The following EFCAB3 variants were observed in gnomAD, a reference collection of about 807,000 sequenced individuals.
EFCAB3 encodes EF-hand calcium binding domain 3, also known as EF-hand calcium-binding domain-containing protein 3.
Under a neutral mutation model 42.2 loss-of-function variants are expected in EFCAB3, and 36 were observed. The ratio of observed to expected loss-of-function variants is 0.85; its 90% CI spans 0.65 to 1.13. The LOEUF is 1.13. Ranked by LOEUF, EFCAB3 falls within the 50% of genes most tolerant of loss-of-function variation. The pLI, the probability that EFCAB3 is intolerant of heterozygous loss-of-function variation, is 0.00. For missense variants in EFCAB3, 418 were observed against 505.1 expected, an observed-to-expected ratio of 0.83 and a Z score of 1.65; for synonymous variants, 170 against 172.8, an observed-to-expected ratio of 0.98 and a Z score of 0.13.
chr17:62,390,252 A>G (rs2070292030), intron 3 of EFCAB3, among the ~76,000 whole-genome samples: 1 of 152,188 alleles, frequency 6.6e-6, no homozygotes, highest in Non-Finnish European at 1.5e-5. Context: ...TCCCTTACCT[A>G]AGAGGAGACC....
At chr17:62,370,380 C>T in intron 1 of EFCAB3, 1 of 1,515,156 alleles carries the variant, frequency 6.6e-7, no homozygotes, top group South Asian at 1.2e-5. Context: ...TTGGGCTGGG[C>T]ATGGTGATTC....
chr17:62,383,104 T>C, intron 2 of EFCAB3, 51 bp downstream of exon 2: 1 of 1,500,614 alleles, frequency 6.7e-7, no homozygotes, highest in Non-Finnish European at 9.1e-7. Flanking sequence ...AAAGAATTAT[T>C]AGTGTTACAG....
intron 3 of EFCAB3, among the ~76,000 whole-genome samples, chr17:62,389,644 C>T (rs1008885228): frequency 2.0e-5 from 3 of 152,140 alleles, no homozygotes; most frequent in African/African-American, 4.8e-5. Context: ...TAGACCCTCA[C>T]CTCCATGTCT....
At chr17:62,415,746 C>A (rs1353879836) in intron 9 of EFCAB3, among the ~76,000 whole-genome samples, 1 of 152,172 alleles carries the variant, frequency 6.6e-6, no homozygotes, top group African/African-American at 2.4e-5. Context: ...ATCTCCATAC[C>A]ATACTTCAGT....
rs11333238 is a variant in EFCAB3, at chr17:62,398,498, CAAAAAA to C, written c.488+3320_488+3325del. 6.6e-3 allele frequency among the ~76,000 whole-genome samples: 837 copies of C among 126,280 alleles called. 6 individuals carry two copies. The highest frequency in any genetic ancestry group is 8.9e-3 in the Non-Finnish European group (530 of 59,742). 82.8% of individuals were successfully genotyped at this position (126,280 alleles called of 152,430 possible). A position where few individuals can be genotyped will look rare whatever the true frequency, so the allele number is the denominator to read the frequency against. On this transcript the variant is annotated intron_variant, in intron 6 of 9. Transcript: ENST00000305286. The stretch of plus-strand genomic sequence containing the variant: ...AACTGTAGTGATAAATTTTTATATG[CAAAAAA>C]AAAAAAAAACAAAAAATTAGCCACC...
At chr17:62,409,955 T>A (rs953578529) in intron 8 of EFCAB3, among the ~76,000 whole-genome samples, 2 of 152,202 alleles carry the variant, frequency 1.3e-5, no homozygotes, top group African/African-American at 4.8e-5. Context: ...ATCCCAGCAC[T>A]TTGGGAGGCC....
intron 9 of EFCAB3, among the ~76,000 whole-genome samples, chr17:62,414,461 T>C (rs1258917121): frequency 6.6e-6 from 1 of 152,184 alleles, no homozygotes; most frequent in Non-Finnish European, 1.5e-5. Flanking sequence ...TGACTATTTC[T>C]ACCTCTACGC....
At chr17:62,394,913 A>G (rs1340520816) in intron 5 of EFCAB3, among the ~76,000 whole-genome samples, 155 bp from the exon 6 acceptor site, 1 of 152,300 alleles carries the variant, frequency 6.6e-6, no homozygotes, top group Middle Eastern at 3.4e-3. Flanking sequence ...TCAGTACCCA[A>G]AATGGCCTTT....
At chr17:62,381,985 C>A in intron 1 of EFCAB3, 1 of 271,356 alleles carries the variant, frequency 3.7e-6, no homozygotes, top group South Asian at 4.3e-5. Flanking sequence ...AAGAGTCAGA[C>A]GATGACATGG....
chr17:62,392,828 A>C (rs930104862), intron 4 of EFCAB3, among the ~76,000 whole-genome samples: 3 of 151,914 alleles, frequency 2.0e-5, no homozygotes, highest in African/African-American at 7.3e-5. Context: ...TAGTAGATAC[A>C]GGGTTTCACC....
rs191611398 is a variant in EFCAB3, at chr17:62,399,026, C to T, written c.488+3838C>T. On this transcript the variant is annotated intron_variant, in intron 6 of 9. Transcript: ENST00000305286. ...GCTTGCACCTTTGACTGCTGCTCCC[C>T]TGCTCTGCCTGCTGAACAGCCTACT... 7.6e-4 allele frequency among the ~76,000 whole-genome samples: 115 copies of T among 152,208 alleles called. 1 individual carries two copies. The highest frequency in any genetic ancestry group is 2.7e-3 in the African/African-American group (112 of 41,514).
At chr17:62,379,899 C>G (rs2070181836), upstream of EFCAB3, among the ~76,000 whole-genome samples, 1 of 152,190 alleles carries the variant, frequency 6.6e-6, no homozygotes, top group Non-Finnish European at 1.5e-5. Context: ...TTTTGCCTCT[C>G]TTTCTAGGCT....
chr17:62,395,543 A>G (rs1396503567), intron 6 of EFCAB3, among the ~76,000 whole-genome samples: 5 of 152,158 alleles, frequency 3.3e-5, no homozygotes, highest in Non-Finnish European at 7.4e-5. Flanking sequence ...TTTGGAATAT[A>G]AGACACTCTT....
At chr17:62,393,459 T>A (rs1248056069) in intron 4 of EFCAB3, 114 bp from the exon 5 acceptor site, 1 of 816,312 alleles carries the variant, frequency 1.2e-6, no homozygotes, top group Non-Finnish European at 1.9e-6. Flanking sequence ...AGCCCTCAAA[T>A]GCTCTGTTTT....
chr17:62,416,260 T>C lies in EFCAB3; in HGVS notation c.1248T>C (p.Asp416=), dbSNP rs2070548314. 4.3e-6 allele frequency: 7 copies of C among 1,613,812 alleles called. No individual in the cohort carries two copies. The Admixed American group carries it at 1.2e-4, about 27-fold the overall frequency. ...ACTCCAGATCCTCTTCCTCATCAGA[T>C]ACCAGTGAATGTTACACAGACTCAG... The part of the protein sequence containing the change: ...SHNSRSSSSS[D]TSECYTDSGR... Residue 416 remains aspartate, a synonymous_variant, in exon 10 of 10, where the codon GAT becomes GAC. Coordinates refer to ENST00000305286, the MANE Select transcript of EFCAB3 (RefSeq NM_173503.4).
At chr17:62,389,616 A>G (rs1392588607) in intron 3 of EFCAB3, among the ~76,000 whole-genome samples, 1 of 152,148 alleles carries the variant, frequency 6.6e-6, no homozygotes. Flanking sequence ...AACTGAAGCA[A>G]TCAGATTAGA....
intron 6 of EFCAB3, among the ~76,000 whole-genome samples, chr17:62,398,304 A>G (rs892560319): frequency 6.6e-6 from 1 of 152,070 alleles, no homozygotes; most frequent in African/African-American, 2.4e-5. Flanking sequence ...AAATTTAAAC[A>G]TTAACTGGGT....
At chr17:62,411,890 AAGGAAGGAAGGAAGGG>A (rs71155928) in intron 8 of EFCAB3, among the ~76,000 whole-genome samples, 45,279 of 99,066 alleles carry the variant, frequency 0.46, 9,376 homozygotes, top group Admixed American at 0.52. Flanking sequence ...GGAAGGAAGG[AAGGAAGGAAGGAAGGG>A]AGGGAGGGAG....
chr17:62,395,948 T>G (rs961995292), intron 6 of EFCAB3, among the ~76,000 whole-genome samples: 9 of 152,180 alleles, frequency 5.9e-5, no homozygotes, highest in Non-Finnish European at 1.0e-4. Context: ...AAGTAGTCTC[T>G]TTATACTCTC....
Sources: gnomAD v4.1 joint callset for allele counts (sites outside exome capture counted in the v4.1 genomes callset) on GRCh38, gnomAD v4.1.1 for gene constraint, MANE v1.5 for transcripts, NCBI Gene and HGNC (gene_info 2026-07-23, HGNC 2026-07-21) for gene names.